Variants in SYNPR observed in about 807,000 individuals in gnomAD.
The protein encoded by SYNPR is synaptoporin.
A neutral mutation model predicts 32.9 loss-of-function variants in SYNPR; 23 were observed. The ratio of observed to expected loss-of-function variants is 0.70; its 90% CI spans 0.50 to 0.99. The LOEUF is 0.99. SYNPR is among the 50% of genes least tolerant of loss of function. The pLI is 0.00. For synonymous variants in SYNPR, 146 were observed against 135.9 expected, an observed-to-expected ratio of 1.07 and a Z score of -0.52; for missense variants, 318 against 349.3, an observed-to-expected ratio of 0.91 and a Z score of 0.71.
the SYNPR span, among the ~76,000 whole-genome samples, chr3:63,206,904 G>A: frequency 6.6e-6 from 1 of 152,162 alleles, no homozygotes; most frequent in South Asian, 2.1e-4. Context: ...CTGGGGCTGT[G>A]CCTGGAGTTG....
intron 2 of SYNPR, among the ~76,000 whole-genome samples, chr3:63,295,401 G>A (rs943029604): frequency 1.3e-5 from 2 of 152,120 alleles, no homozygotes; most frequent in African/African-American, 4.8e-5. Context: ...GTTTATAATA[G>A]CAGAGCTGAG....
intron 3 of SYNPR, among the ~76,000 whole-genome samples, chr3:63,524,701 A>G (rs1456991747): frequency 6.6e-6 from 1 of 152,170 alleles, no homozygotes; most frequent in Non-Finnish European, 1.5e-5. Context: ...TTTAGACACC[A>G]TTCTGAATGC....
intron 2 of SYNPR, among the ~76,000 whole-genome samples, chr3:63,424,551 T>C (rs1267665361): frequency 6.6e-6 from 1 of 152,276 alleles, no homozygotes; most frequent in African/African-American, 2.4e-5. Flanking sequence ...ATTTCCATTT[T>C]ATTGTAGTTA....
intron 3 of SYNPR, among the ~76,000 whole-genome samples, chr3:63,509,272 TTATATATATGTG>T (rs1701647907): frequency 1.1e-5 from 1 of 88,552 alleles, no homozygotes; most frequent in African/African-American, 6.5e-5. Flanking sequence ...AGGCTGAAAG[TTATATATATGTG>T]TGTGTATATA....
intron 2 of SYNPR, among the ~76,000 whole-genome samples, chr3:63,361,626 G>T (rs534401305): frequency 3.3e-5 from 5 of 150,946 alleles, no homozygotes; most frequent in African/African-American, 1.2e-4. Context: ...AGGAGGGGGG[G>T]ATATAAAGCC....
chr3:63,470,210 T>C, intron 2 of SYNPR, among the ~76,000 whole-genome samples: 1 of 152,336 alleles, frequency 6.6e-6, no homozygotes, highest in East Asian at 1.9e-4. Context: ...AGAAATATTT[T>C]CTTTTACAAA....
At chr3:63,491,830 A>G (rs939665231) in intron 3 of SYNPR, among the ~76,000 whole-genome samples, 2 of 152,190 alleles carry the variant, frequency 1.3e-5, no homozygotes, top group Non-Finnish European at 2.9e-5. Flanking sequence ...CTAAATGTGT[A>G]TGATTTAAAT....
At chr3:63,222,075 A>G in the SYNPR span, among the ~76,000 whole-genome samples, 2 of 125,734 alleles carry the variant, frequency 1.6e-5, no homozygotes, top group African/African-American at 5.9e-5. Flanking sequence ...CATAAACTTC[A>G]GGTTTAACGG....
chr3:63,518,062 T>G (rs1488059282), intron 3 of SYNPR, among the ~76,000 whole-genome samples: 2 of 152,128 alleles, frequency 1.3e-5, no homozygotes, highest in Non-Finnish European at 2.9e-5. Flanking sequence ...CCCCAGGGTG[T>G]GTCAGAATTT....
At chr3:63,298,865 C>T (rs2106939122) in intron 2 of SYNPR, among the ~76,000 whole-genome samples, 1 of 152,178 alleles carries the variant, frequency 6.6e-6, no homozygotes, top group African/African-American at 2.4e-5. Flanking sequence ...TAGAACATAC[C>T]TTGGCTACAA....
At chr3:63,393,404 G>A (rs1449784286) in intron 2 of SYNPR, among the ~76,000 whole-genome samples, 1 of 150,990 alleles carries the variant, frequency 6.6e-6, no homozygotes, top group African/African-American at 2.4e-5. Flanking sequence ...CATTAGTGTT[G>A]GACTGTTGGA....
intron 4 of SYNPR, among the ~76,000 whole-genome samples, chr3:63,603,644 A>G (rs1700076148): frequency 6.6e-6 from 1 of 152,136 alleles, no homozygotes; most frequent in African/African-American, 2.4e-5. Context: ...GGTAAATCAC[A>G]TTTATTGATT....
chr3:63,483,439 G>A (rs1336849442), intron 3 of SYNPR, among the ~76,000 whole-genome samples: 1 of 152,128 alleles, frequency 6.6e-6, no homozygotes, highest in African/African-American at 2.4e-5. Flanking sequence ...GTATGTGTAT[G>A]TATATGTGTG....
intron 3 of SYNPR, among the ~76,000 whole-genome samples, chr3:63,271,509 T>A (rs948338644): frequency 1.0e-3 from 156 of 152,152 alleles, no homozygotes; most frequent in African/African-American, 3.5e-3. Flanking sequence ...GACTGGAGAA[T>A]ATAATAAAGT....
chr3:63,559,469 G>A (rs1336442540), intron 4 of SYNPR, among the ~76,000 whole-genome samples: 2 of 152,070 alleles, frequency 1.3e-5, no homozygotes, highest in Non-Finnish European at 2.9e-5. Flanking sequence ...TACAAGTAGG[G>A]ACATAGTTTT....
intron 3 of SYNPR, among the ~76,000 whole-genome samples, chr3:63,501,494 CAA>C (rs377290258): frequency 1.0e-4 from 10 of 96,740 alleles, no homozygotes; most frequent in Non-Finnish European, 1.5e-4. Context: ...CTCCCCCAAC[CAA>C]AAAAAAAAAA....
upstream of SYNPR, among the ~76,000 whole-genome samples, chr3:63,275,514 G>A (rs529006880): frequency 2.0e-5 from 3 of 152,308 alleles, no homozygotes; most frequent in African/African-American, 4.8e-5. Flanking sequence ...TAGTCAGAAG[G>A]AACACTGGGT....
At chr3:63,412,382 A>T (rs1486875334) in intron 2 of SYNPR, among the ~76,000 whole-genome samples, 1 of 152,088 alleles carries the variant, frequency 6.6e-6, no homozygotes, top group African/African-American at 2.4e-5. Context: ...GCAAATCCAG[A>T]CTCAAGCTCA....
upstream of SYNPR, among the ~76,000 whole-genome samples, chr3:63,273,641 A>C (rs959750546): frequency 2.6e-5 from 4 of 152,228 alleles, no homozygotes; most frequent in African/African-American, 9.6e-5. Flanking sequence ...CAGAAATAGT[A>C]AAAGCATTTT....
Sources: gnomAD v4.1 joint callset for allele counts (sites outside exome capture counted in the v4.1 genomes callset) on GRCh38, gnomAD v4.1.1 for gene constraint, MANE v1.5 for transcripts, NCBI Gene and HGNC (gene_info 2026-07-23, HGNC 2026-07-21) for gene names.